Variants in PACRGL observed in about 807,000 individuals in gnomAD.
PACRGL encodes parkin coregulated like, also known as PACRG-like protein.
PACRGL carries 38 observed loss-of-function variants against 34.5 expected under a neutral mutation model. That is an observed-to-expected ratio of 1.10 (90% CI 0.85 to 1.44). The LOEUF (loss-of-function observed/expected upper bound fraction) is 1.44, where lower values mean the gene tolerates loss of function less well. PACRGL is among the 40% of genes most tolerant of loss of function. PACRGL has a pLI of 0.00. For missense variants in PACRGL, 305 were observed against 281.4 expected, an observed-to-expected ratio of 1.08 and a Z score of -0.60; for synonymous variants, 128 against 100.1, an observed-to-expected ratio of 1.28 and a Z score of -1.66.
chr4:20,764,052 A>C, the PACRGL span, among the ~76,000 whole-genome samples: 1 of 152,294 alleles, frequency 6.6e-6, no homozygotes, highest in Middle Eastern at 3.4e-3. Context: ...AGGGATAGTA[A>C]GAAATGCCTC....
intron 8 of PACRGL, among the ~76,000 whole-genome samples, chr4:20,742,115 A>T (rs983807900): frequency 1.3e-5 from 2 of 152,210 alleles, no homozygotes; most frequent in African/African-American, 4.8e-5. Flanking sequence ...GACCAGATGG[A>T]TTCACAGCTG....
intron 1 of PACRGL, among the ~76,000 whole-genome samples, chr4:20,704,046 A>G (rs971958525): frequency 3.3e-5 from 5 of 152,172 alleles, no homozygotes; most frequent in African/African-American, 1.2e-4. Context: ...TCACTGGAAA[A>G]GTAGAGCTTG....
intron 7 of PACRGL, among the ~76,000 whole-genome samples, chr4:20,719,929 G>A (rs1424365670): frequency 2.0e-5 from 3 of 152,044 alleles, no homozygotes; most frequent in African/African-American, 2.4e-5. Context: ...TGACAGTGGG[G>A]TGTTAAAGTC....
intron 3 of PACRGL, 96 bp from the exon 4 acceptor site, chr4:20,707,707 C>G (rs1392132555): frequency 2.1e-6 from 2 of 954,632 alleles, no homozygotes; most frequent in African/African-American, 3.3e-5. Flanking sequence ...AAACGGTGCG[C>G]TTCGATACCA....
intron 8 of PACRGL, chr4:20,752,500 A>T (rs1310044965): frequency 6.6e-6 from 1 of 152,260 alleles, no homozygotes; most frequent in Non-Finnish European, 1.5e-5. Context: ...TACCTTAAAC[A>T]CATGTGATCA....
In PACRGL at chr4:20,728,331, A is replaced by G. The variant is rs950046418; in HGVS notation, c.*990A>G. ...GATGTTCACTTAAAGATATTCAGCAATTAAAATGTTAAAACTTGTACATGC... is the reference window on the plus strand; with the variant it reads ...GATGTTCACTTAAAGATATTCAGCAGTTAAAATGTTAAAACTTGTACATGC... On this transcript the variant is annotated 3_prime_UTR_variant, in exon 9 of 9. Coordinates refer to ENST00000503585, the MANE Select transcript of PACRGL (RefSeq NM_001258345.3). The G allele has an allele frequency of 2.6e-5, 4 of 152,194 alleles. No individual in the cohort carries two copies. The highest frequency in any genetic ancestry group is 4.4e-5 in the Non-Finnish European group (3 of 68,034). The allele number at this position is 152,194 out of a possible 1,614,324, so 9.4% of individuals were successfully genotyped here. A position where few individuals can be genotyped will look rare whatever the true frequency, so the allele number is the denominator to read the frequency against.
At chr4:20,756,183 A>G (rs1754417284), downstream of PACRGL, among the ~76,000 whole-genome samples, 1 of 151,982 alleles carries the variant, frequency 6.6e-6, no homozygotes. Context: ...AAAAAAAAAA[A>G]AAGTGTTGGC....
rs1434215419 is a variant in PACRGL, at chr4:20,728,208, A to G, written c.*867A>G. The G allele has an allele frequency of 6.6e-6, 1 of 152,218 alleles. No individual in the cohort carries two copies. The highest frequency in any genetic ancestry group is 1.5e-5 in the Non-Finnish European group (1 of 68,034). 9.4% of individuals were successfully genotyped at this position (152,218 alleles called of 1,614,324 possible). On this transcript the variant is annotated 3_prime_UTR_variant, in exon 9 of 9. Transcript: ENST00000503585. ...TAATTCTGTAAATTCTATTACAAGT[A>G]TGTTGTTTATTACAACTCATTACAA...
chr4:20,764,576 T>A, the PACRGL span, among the ~76,000 whole-genome samples: 2,481 of 151,726 alleles, frequency 0.016, 48 homozygotes, highest in African/African-American at 0.045. Flanking sequence ...CTATGCACAG[T>A]CATGGTGCTT....
intron 7 of PACRGL, among the ~76,000 whole-genome samples, chr4:20,721,736 C>CT (rs1743307514): frequency 6.6e-6 from 1 of 152,236 alleles, no homozygotes; most frequent in Non-Finnish European, 1.5e-5. Flanking sequence ...TCTGCCCCTA[C>CT]TGGGGGGTGC....
At chr4:20,702,147 A>G in intron 1 of PACRGL, 1 of 456,654 alleles carries the variant, frequency 2.2e-6, no homozygotes, top group Non-Finnish European at 4.4e-6. Context: ...TTAGTTTGTT[A>G]CAGGAACAAC....
intron 8 of PACRGL, among the ~76,000 whole-genome samples, chr4:20,751,954 C>G (rs1404785461): frequency 3.3e-5 from 5 of 152,072 alleles, no homozygotes; most frequent in Admixed American, 6.5e-5. Context: ...CTCAGCTTCA[C>G]CAGAGATTAA....
At chr4:20,748,880 G>A (rs1490614747) in intron 8 of PACRGL, among the ~76,000 whole-genome samples, 34 of 97,954 alleles carry the variant, frequency 3.5e-4, no homozygotes, top group South Asian at 1.0e-3. Flanking sequence ...GTGTGTGTGT[G>A]TATGTGTGTG....
rs1198730357 is a variant in PACRGL, at chr4:20,716,222, A to C, written c.609+2683A>C. 3.5e-6 allele frequency: 3 copies of C among 868,742 alleles called. No homozygotes were observed. In the Admixed American group the frequency reaches 6.1e-5, roughly 18 times the overall value. 53.8% of individuals were successfully genotyped at this position (868,742 alleles called of 1,614,324 possible). A position where few individuals can be genotyped will look rare whatever the true frequency, so the allele number is the denominator to read the frequency against. ...GCTGTTATGGTTTCTTACAACACAC[A>C]AAAAATAAAGATTAAAATCAGCAAA... is the stretch of plus-strand genomic sequence containing the variant. On this transcript the variant is annotated intron_variant, in intron 7 of 8. Coordinates refer to ENST00000503585, the MANE Select transcript of PACRGL (RefSeq NM_001258345.3).
At chr4:20,740,943 A>T (rs552563261) in intron 8 of PACRGL, among the ~76,000 whole-genome samples, 4 of 152,146 alleles carry the variant, frequency 2.6e-5, no homozygotes, top group African/African-American at 9.6e-5. Flanking sequence ...TAAAACAGAC[A>T]TTAAACCAAC....
At chr4:20,726,014 G>A (rs1422463092) in intron 8 of PACRGL, among the ~76,000 whole-genome samples, 2 of 152,052 alleles carry the variant, frequency 1.3e-5, no homozygotes, top group Non-Finnish European at 2.9e-5. Flanking sequence ...TTCTTCTGTG[G>A]AGTGGAAGTG....
chr4:20,748,056 C>T (rs139232791), intron 8 of PACRGL, among the ~76,000 whole-genome samples: 3 of 152,080 alleles, frequency 2.0e-5, no homozygotes, highest in South Asian at 2.1e-4. Flanking sequence ...TGCACTCTTG[C>T]AATACTTAGC....
intron 8 of PACRGL, chr4:20,749,805 A>C: frequency 1.0e-6 from 1 of 960,692 alleles, no homozygotes; most frequent in South Asian, 1.6e-5. Flanking sequence ...TAGCAGTCCA[A>C]GCTTCCTTTG....
At chr4:20,718,238 G>A (rs189167286) in intron 7 of PACRGL, among the ~76,000 whole-genome samples, 1,849 of 152,240 alleles carry the variant, frequency 0.012, 16 homozygotes, top group Non-Finnish European at 0.018. Flanking sequence ...GGGCTGAGAC[G>A]ATGGGGTTTT....
Sources: allele counts gnomAD v4.1 joint callset (sites outside exome capture counted in the v4.1 genomes callset), GRCh38; gene constraint gnomAD v4.1.1; transcripts MANE v1.5; gene names NCBI Gene and HGNC (gene_info 2026-07-23, HGNC 2026-07-21).